Variants in MARVELD3 observed in about 807,000 individuals in gnomAD.
MARVELD3 encodes MARVEL domain-containing protein 3.
A neutral mutation model predicts 33.5 loss-of-function variants in MARVELD3; 28 were observed. The ratio of observed to expected loss-of-function variants is 0.84; its 90% confidence interval spans 0.62 to 1.15. The LOEUF (loss-of-function observed/expected upper bound fraction) is 1.15. Ranked by LOEUF, MARVELD3 falls within the 50% of genes most tolerant of loss-of-function variation. The probability of loss-of-function intolerance (pLI) is 0.00; values close to 1 mark genes in which losing one functional copy is unlikely to be tolerated. For missense variants in MARVELD3, 582 were observed against 547.6 expected, an observed-to-expected ratio of 1.06 and a Z score of -0.63; for synonymous variants, 241 against 230.4, an observed-to-expected ratio of 1.05 and a Z score of -0.42.
chr16:71,631,011 T>C (rs2044527543), intron 2 of MARVELD3, among the ~76,000 whole-genome samples: 1 of 152,182 alleles, frequency 6.6e-6, no homozygotes, highest in Admixed American at 6.5e-5. Context: ...TGGTGAGAAA[T>C]AGTTCTTGGT....
chr16:71,636,187 A>C lies in MARVELD3; in HGVS notation c.*1384A>C. 1.0e-6 allele frequency: 1 copy of C among 978,952 alleles called. No individual in the cohort carries two copies. The highest frequency in any genetic ancestry group is 4.7e-5 in the South Asian group (1 of 21,218). 60.6% of individuals were successfully genotyped at this position (978,952 alleles called of 1,614,324 possible). Reference sequence around the variant, plus strand: ...TCTTTGCTTTATGTGAATCCAATAAAAAATCCAAAGAATTTTAATTTGGAG... The same window carrying C: ...TCTTTGCTTTATGTGAATCCAATAACAAATCCAAAGAATTTTAATTTGGAG... On this transcript the variant is annotated 3_prime_UTR_variant, in exon 3 of 3. Coordinates refer to ENST00000268485, the MANE Select transcript of MARVELD3 (RefSeq NM_052858.6).
At chr16:71,637,031 C>G (rs2044586169), downstream of MARVELD3, among the ~76,000 whole-genome samples, 1 of 152,194 alleles carries the variant, frequency 6.6e-6, no homozygotes, top group Admixed American at 6.5e-5. Context: ...CCACCCTTTT[C>G]CCCTTCCCCT....
chr16:71,632,989 A>G (rs1007158981), intron 2 of MARVELD3, among the ~76,000 whole-genome samples: 1 of 152,050 alleles, frequency 6.6e-6, no homozygotes, highest in Non-Finnish European at 1.5e-5. Flanking sequence ...CTGAATTATT[A>G]TATTGTTTAA....
At chr16:71,637,494 C>T (rs1006760944), downstream of MARVELD3, among the ~76,000 whole-genome samples, 4 of 152,062 alleles carry the variant, frequency 2.6e-5, no homozygotes, top group South Asian at 2.1e-4. Context: ...CTTACTGTGC[C>T]GGAGTGATGA....
downstream of MARVELD3, chr16:71,640,497 G>A (rs1018437479): frequency 6.2e-7 from 1 of 1,614,114 alleles, no homozygotes; most frequent in Non-Finnish European, 8.5e-7. Flanking sequence ...CAGCGGCGGT[G>A]GCTTTGGGAA....
chr16:71,640,187 T>C (rs1469109490), downstream of MARVELD3, among the ~76,000 whole-genome samples: 2 of 151,218 alleles, frequency 1.3e-5, no homozygotes, highest in Non-Finnish European at 2.9e-5. Context: ...GAGAATCGCT[T>C]GAAGCCAGGA....
chr16:71,627,818 C>A (rs974279219), intron 1 of MARVELD3, among the ~76,000 whole-genome samples: 1 of 152,146 alleles, frequency 6.6e-6, no homozygotes, highest in Non-Finnish European at 1.5e-5. Flanking sequence ...GTCCCCACAC[C>A]GCCTCCTAGG....
At position 71,634,406 on chromosome 16, in the gene MARVELD3, T is replaced by C. The variant is rs200867523; in HGVS notation, c.809T>C (p.Val270Ala). The C allele has an allele frequency of 1.2e-6, 2 of 1,614,210 alleles. No individual in the cohort carries two copies. The highest frequency in any genetic ancestry group is 2.2e-5 in the East Asian group (1 of 44,880). Residue 270 changes from valine (V) to alanine (A), a missense_variant, in exon 3 of 3, where the codon GTC becomes GCC. By Grantham distance (64) the Val-to-Ala change is moderately conservative (BLOSUM62 0). Coordinates refer to ENST00000268485, the MANE Select transcript of MARVELD3 (RefSeq NM_052858.6). ...VQFYQLKLPMVTVAMACSGAL... is the reference protein window; with the variant it reads ...VQFYQLKLPMATVAMACSGAL... The stretch of plus-strand genomic sequence containing the variant: ...TTCTACCAGCTAAAGCTGCCCATGG[T>C]CACTGTGGCAATGGCCTGTAGTGGA...
downstream of MARVELD3, chr16:71,640,617 C>T: frequency 6.2e-7 from 1 of 1,614,212 alleles, no homozygotes; most frequent in East Asian, 2.2e-5. Flanking sequence ...GGCTGTTTCT[C>T]TGGGTCTGGG....
downstream of MARVELD3, among the ~76,000 whole-genome samples, chr16:71,637,298 C>T (rs1280576592): frequency 6.6e-6 from 1 of 152,156 alleles, no homozygotes; most frequent in Non-Finnish European, 1.5e-5. Flanking sequence ...GTTTTGAATC[C>T]GTCCCAGAGG....
chr16:71,626,572 A>G lies in MARVELD3; in HGVS notation c.343A>G (p.Thr115Ala). ...GVWEKPRQSR[T>A]RDGARGLTWD... ...TTGGGAAAAACCGCGCCAAAGCCGG[A>G]CGCGGGACGGAGCCCGGGGACTGAC... The change falls in exon 1 of 3, where the codon ACG (threonine) becomes GCG (alanine). Residue 115 changes from threonine to alanine, a missense_variant. Thr to Ala is a moderately conservative substitution (Grantham distance 58). Transcript: ENST00000268485. The surrounding 1 kb of genome is among the most constrained non-coding windows in gnomAD (Gnocchi z 5.3). 1 of 1,547,202 alleles carries G rather than the reference A, an allele frequency of 6.5e-7. No individual in the cohort carries two copies. Among genetic ancestry groups the G allele is most frequent in the Non-Finnish European group, 8.7e-7 (1 of 1,146,752 alleles).
chr16:71,640,140 G>C (rs188283870), downstream of MARVELD3, among the ~76,000 whole-genome samples: 1 of 151,792 alleles, frequency 6.6e-6, no homozygotes, highest in African/African-American at 2.4e-5. Flanking sequence ...AGGGTGGTGC[G>C]TGCCTGTAGT....
In MARVELD3 at chr16:71,635,261, G is replaced by A. The variant is rs1185308918; in HGVS notation, c.*458G>A. The A allele has an allele frequency of 6.4e-5, 57 of 895,734 alleles. No individual in the cohort carries two copies. Among genetic ancestry groups the A allele is most frequent in the South Asian group, 2.0e-4 (4 of 19,524 alleles). The allele number at this position is 895,734 out of a possible 1,614,324, so 55.5% of individuals were successfully genotyped here. ...GGAGAATCGCTTGAATCTGGGAGGC[G>A]GAGATTGCAGTGAGCCGAGATCCCG... On this transcript the variant is annotated 3_prime_UTR_variant, in exon 3 of 3. Transcript: ENST00000268485.
In MARVELD3 at chr16:71,636,102, C is replaced by T. The variant is rs1031465726; in HGVS notation, c.*1299C>T. ...CTTATGGAACATTGCAATATATTCT[C>T]GGTCCTTAAGTTATGACTTATGGAA... On this transcript the variant is annotated 3_prime_UTR_variant, in exon 3 of 3. Transcript: ENST00000268485. 3.0e-6 allele frequency: 3 copies of T among 984,990 alleles called. No homozygotes were observed. In the African/African-American group the frequency reaches 5.2e-5, roughly 17 times the overall value. The allele number at this position is 984,990 out of a possible 1,614,324, so 61.0% of individuals were successfully genotyped here.
At chr16:71,633,694 C>CTT (rs60714318) in intron 2 of MARVELD3, among the ~76,000 whole-genome samples, 11 of 131,376 alleles carry the variant, frequency 8.4e-5, no homozygotes, top group Admixed American at 6.1e-4. Context: ...CATACCCAGT[C>CTT]TTTTTTTTTT....
rs1473220232 is a variant in MARVELD3, at chr16:71,634,537, G to A, written c.940G>A (p.Ala314Thr). The A allele has an allele frequency of 4.3e-6, 7 of 1,614,024 alleles. No homozygotes were observed. The Admixed American group carries it at 1.0e-4, about 23-fold the overall frequency. The change falls in exon 3 of 3, where the codon GCG (alanine) becomes ACG (threonine). Residue 314 changes from alanine (A) to threonine (T), a missense_variant. Transcript: ENST00000268485. ...VTEGLLDMLI[A>T]GGYIPALYFY... ...CGAAGGCTTGTTGGACATGCTCATC[G>A]CGGGGGGGTACATCCCGGCCTTGTA...
chr16:71,641,175 G>C, downstream of MARVELD3: 2 of 1,007,062 alleles, frequency 2.0e-6, no homozygotes, highest in East Asian at 2.6e-5. Flanking sequence ...AATTGAGGAC[G>C]GGCATGGTGG....
At chr16:71,629,642 T>TAAA (rs533759724) in intron 2 of MARVELD3, 148 bp downstream of exon 2, 2,202 of 323,484 alleles carry the variant, frequency 6.8e-3, no homozygotes, top group Non-Finnish European at 7.8e-3. Flanking sequence ...CTTGTTTTCT[T>TAAA]AAAAAAAAAA....
chr16:71,640,791 A>G (rs998282337), downstream of MARVELD3: 1 of 1,614,264 alleles, frequency 6.2e-7, no homozygotes, highest in Non-Finnish European at 8.5e-7. Context: ...TAGCACCGAC[A>G]CTTGCAAAAC....
Sources: gnomAD v4.1 joint callset for allele counts (sites outside exome capture counted in the v4.1 genomes callset) on GRCh38, gnomAD v4.1.1 for gene constraint, Gnocchi (gnomAD v3.1) non-coding constraint, MANE v1.5 for transcripts, NCBI Gene and HGNC (gene_info 2026-07-23, HGNC 2026-07-21) for gene names.